The following SLC17A1 variants were observed in gnomAD, a reference collection of about 807,000 sequenced individuals.
SLC17A1 encodes the protein solute carrier family 17 member 1, also known as sodium-dependent phosphate transport protein 1.
A neutral mutation model predicts 53.5 loss-of-function variants in SLC17A1; 51 were observed. The ratio of observed to expected loss-of-function variants is 0.95; its 90% CI spans 0.76 to 1.20. The LOEUF (loss-of-function observed/expected upper bound fraction) is 1.20. SLC17A1 is among the 50% of genes most tolerant of loss of function. The probability of loss-of-function intolerance (pLI) is 0.00; values close to 1 mark genes in which losing one functional copy is unlikely to be tolerated. For missense variants in SLC17A1, 538 were observed against 568.2 expected (o/e 0.95, Z 0.54); for synonymous variants, 179 against 198.8 (o/e 0.90, Z 0.84).
chr6:25,778,197 G>A (rs759903993), downstream of SLC17A1, among the ~76,000 whole-genome samples: 2 of 151,744 alleles, frequency 1.3e-5, no homozygotes, highest in East Asian at 1.9e-4. Flanking sequence ...GAATCTTACT[G>A]GTATAAACTT....
chr6:25,828,989 T>C (rs1764849901), intron 2 of SLC17A1, among the ~76,000 whole-genome samples: 1 of 152,136 alleles, frequency 6.6e-6, no homozygotes, highest in Admixed American at 6.6e-5. Context: ...GCTTCCGTTG[T>C]TAAAAGATAA....
the SLC17A1 span, chr6:25,770,200 GC>G: frequency 6.2e-7 from 1 of 1,613,970 alleles, no homozygotes; most frequent in African/African-American, 1.3e-5. Flanking sequence ...GTTGGTGCTG[GC>G]TTGTTTATTT....
At position 25,811,759 on chromosome 6, in the gene SLC17A1, C is replaced by G. The variant is rs1581477306; in HGVS notation, c.909G>C (p.Leu303Phe). 4 of 1,613,666 alleles carry G rather than the reference C, an allele frequency of 2.5e-6. No homozygotes were observed. Among genetic ancestry groups the G allele is most frequent in the Non-Finnish European group, 3.4e-6 (4 of 1,179,690 alleles). ...AGGCAAACAAATAGGGAAGGGAAGACAAGAACCCATTCTGAAGAGGAAACA... is the reference window on the plus strand; with the variant it reads ...AGGCAAACAAATAGGGAAGGGAAGAGAAGAACCCATTCTGAAGAGGAAACA... ...LHVNIKENGF[L>F]SSLPYLFAWI... Residue 303 changes from leucine to phenylalanine, a missense_variant, in exon 9 of 13, where the codon TTG becomes TTC. Coordinates refer to ENST00000244527, the MANE Select transcript of SLC17A1 (RefSeq NM_005074.5).
At chr6:25,786,435 A>G (rs1763384055) in intron 12 of SLC17A1, among the ~76,000 whole-genome samples, 1 of 152,162 alleles carries the variant, frequency 6.6e-6, no homozygotes, top group African/African-American at 2.4e-5. Flanking sequence ...GAAGTGGACA[A>G]GACCTCTCCA....
the SLC17A1 span, among the ~76,000 whole-genome samples, chr6:25,757,732 G>C: frequency 6.6e-6 from 1 of 152,094 alleles, no homozygotes; most frequent in African/African-American, 2.4e-5. Flanking sequence ...TTCTTAGCTG[G>C]AGCTCTTGTG....
chr6:25,728,927 G>A, the SLC17A1 span, among the ~76,000 whole-genome samples: 1 of 152,350 alleles, frequency 6.6e-6, no homozygotes, highest in East Asian at 1.9e-4. Flanking sequence ...CTTTAGCTGG[G>A]AAATCTTCCA....
intron 6 of SLC17A1, among the ~76,000 whole-genome samples, chr6:25,818,527 G>A (rs9461218): frequency 0.25 from 37,946 of 152,026 alleles, 5,089 homozygotes; most frequent in African/African-American, 0.35. Flanking sequence ...GTTTCCTCAC[G>A]TATCAAATGG....
intron 2 of SLC17A1, among the ~76,000 whole-genome samples, chr6:25,830,278 C>G (rs1435033679): frequency 6.6e-6 from 1 of 152,136 alleles, no homozygotes; most frequent in African/African-American, 2.4e-5. Flanking sequence ...TGATATTTTC[C>G]ACTAAATGAT....
chr6:25,822,997 C>T (rs1293119462), intron 3 of SLC17A1, among the ~76,000 whole-genome samples: 1 of 152,012 alleles, frequency 6.6e-6, no homozygotes, highest in Non-Finnish European at 1.5e-5. Flanking sequence ...TGCTGCCTGT[C>T]GCTGTAACTT....
intron 6 of SLC17A1, among the ~76,000 whole-genome samples, chr6:25,815,350 T>A (rs190732810): frequency 6.6e-6 from 1 of 151,498 alleles, no homozygotes; most frequent in Non-Finnish European, 1.5e-5. Context: ...ACCACAGATA[T>A]AGGAAGCCCA....
At chr6:25,729,735 C>T in the SLC17A1 span, among the ~76,000 whole-genome samples, 2 of 142,680 alleles carry the variant, frequency 1.4e-5, no homozygotes, top group African/African-American at 2.6e-5. Flanking sequence ...GACTGCTTTC[C>T]GTGCATTTTT....
the SLC17A1 span, among the ~76,000 whole-genome samples, chr6:25,763,816 A>T: frequency 9.2e-5 from 14 of 152,216 alleles, no homozygotes; most frequent in Non-Finnish European, 1.3e-4. Context: ...CTGTAGACAG[A>T]CATCACTTTG....
At chr6:25,726,500 T>TA in the SLC17A1 span, 2 of 1,611,392 alleles carry the variant, frequency 1.2e-6, no homozygotes, top group Non-Finnish European at 1.7e-6. Context: ...GCGCGTGCTT[T>TA]TCCTCCCTGC....
intron 2 of SLC17A1, among the ~76,000 whole-genome samples, chr6:25,829,656 G>A (rs1764875798): frequency 6.6e-6 from 1 of 152,162 alleles, no homozygotes; most frequent in South Asian, 2.1e-4. Context: ...CAAGTTTTAA[G>A]TTAAAAAGAA....
the SLC17A1 span, among the ~76,000 whole-genome samples, chr6:25,766,863 C>T: frequency 6.6e-6 from 1 of 152,076 alleles, no homozygotes; most frequent in African/African-American, 2.4e-5. Context: ...AAAGAAGAGC[C>T]CAAGGAGACA....
At chr6:25,749,769 C>T in the SLC17A1 span, among the ~76,000 whole-genome samples, 2 of 152,002 alleles carry the variant, frequency 1.3e-5, no homozygotes, top group African/African-American at 2.4e-5. Flanking sequence ...CATTAATATC[C>T]ATCTGGATCA....
At chr6:25,726,859 G>C in the SLC17A1 span, 2 of 1,566,484 alleles carry the variant, frequency 1.3e-6, no homozygotes, top group African/African-American at 1.4e-5. Context: ...GGAAAGTGCT[G>C]TGTAACCCTG....
At chr6:25,818,360 A>T (rs1185567) in intron 6 of SLC17A1, among the ~76,000 whole-genome samples, 2 of 152,022 alleles carry the variant, frequency 1.3e-5, no homozygotes, top group African/African-American at 4.8e-5. Flanking sequence ...GATGCTAGAT[A>T]TTCCGAGCTC....
At chr6:25,785,084 T>C (rs1763352530) in intron 12 of SLC17A1, among the ~76,000 whole-genome samples, 1 of 152,096 alleles carries the variant, frequency 6.6e-6, no homozygotes, top group African/African-American at 2.4e-5. Context: ...TATACAAAAG[T>C]CAATTATATT....
Sources: gnomAD v4.1 joint callset for allele counts (sites outside exome capture counted in the v4.1 genomes callset) on GRCh38, gnomAD v4.1.1 for gene constraint, MANE v1.5 for transcripts, NCBI Gene and HGNC (gene_info 2026-07-23, HGNC 2026-07-21) for gene names.